GRID2: variants seen among roughly 807,000 people sequenced by gnomAD.
GRID2 encodes glutamate ionotropic receptor delta type subunit 2.
A neutral mutation model predicts 114.8 loss-of-function variants in GRID2; 33 were observed. The ratio of observed to expected loss-of-function variants is 0.29; its 90% confidence interval spans 0.22 to 0.38. The LOEUF is 0.38. Ranked by LOEUF, GRID2 falls within the 10% of genes least tolerant of loss-of-function variation. GRID2 has a pLI of 1.00. For synonymous variants in GRID2, 505 were observed against 449.9 expected (o/e 1.12, Z -1.55); for missense variants, 1,184 against 1,257.7 (o/e 0.94, Z 0.89).
chr4:93,332,309 A>T (rs1189069674), intron 8 of GRID2, among the ~76,000 whole-genome samples: 1 of 150,858 alleles, frequency 6.6e-6, no homozygotes, highest in Admixed American at 6.6e-5. Context: ...TGAGAGAGAG[A>T]GAGAGAGAGA....
chr4:93,732,958 A>G (rs550715593), intron 14 of GRID2, among the ~76,000 whole-genome samples: 1 of 152,090 alleles, frequency 6.6e-6, no homozygotes. Flanking sequence ...AAATAATAAA[A>G]GAGAAAGATT....
chr4:93,521,264 AG>A (rs1305535916), intron 13 of GRID2, among the ~76,000 whole-genome samples: 1 of 152,182 alleles, frequency 6.6e-6, no homozygotes, highest in African/African-American at 2.4e-5. Context: ...CTCATTACGC[AG>A]GCAAAGTTTA....
intron 1 of GRID2, among the ~76,000 whole-genome samples, chr4:92,326,411 A>G (rs1316089940): frequency 1.3e-5 from 2 of 151,924 alleles, no homozygotes; most frequent in African/African-American, 2.4e-5. Flanking sequence ...GGATTACTGA[A>G]CTAGTTTGCC....
intron 1 of GRID2, among the ~76,000 whole-genome samples, chr4:92,355,417 A>G (rs1340491239): frequency 6.6e-6 from 1 of 151,866 alleles, no homozygotes; most frequent in African/African-American, 2.4e-5. Flanking sequence ...CATTTAGACT[A>G]TAGATTTTTA....
intron 8 of GRID2, among the ~76,000 whole-genome samples, chr4:93,295,817 A>G (rs1399416709): frequency 6.6e-6 from 1 of 152,194 alleles, no homozygotes; most frequent in Non-Finnish European, 1.5e-5. Flanking sequence ...CTGGGACTAT[A>G]TCCTAGTTGA....
chr4:93,711,774 C>G (rs75402009), intron 14 of GRID2, among the ~76,000 whole-genome samples: 6,421 of 152,250 alleles, frequency 0.042, 222 homozygotes, highest in African/African-American at 0.085. Flanking sequence ...GGGGCATGGG[C>G]GGGTGGTGGT....
intron 10 of GRID2, among the ~76,000 whole-genome samples, chr4:93,437,974 CGA>C (rs1560618948): frequency 6.6e-6 from 1 of 151,926 alleles, no homozygotes; most frequent in East Asian, 1.9e-4. Flanking sequence ...GAAGAGAGAA[CGA>C]GAGAGATGGA....
chr4:93,307,522 C>A (rs1298987459), intron 8 of GRID2, among the ~76,000 whole-genome samples: 1 of 151,752 alleles, frequency 6.6e-6, no homozygotes, highest in African/African-American at 2.4e-5. Flanking sequence ...TGACTTTTAC[C>A]TTTCATTGTC....
intron 1 of GRID2, among the ~76,000 whole-genome samples, chr4:92,399,446 G>A (rs12710870): frequency 0.33 from 49,510 of 152,022 alleles, 9,186 homozygotes; most frequent in East Asian, 0.71. Flanking sequence ...TCAACTTGAA[G>A]TCATATCGAA....
At chr4:93,137,184 T>C (rs1735340015) in intron 4 of GRID2, among the ~76,000 whole-genome samples, 1 of 152,206 alleles carries the variant, frequency 6.6e-6, no homozygotes, top group Admixed American at 6.5e-5. Flanking sequence ...CAAATTTCAG[T>C]AGGAAATCAA....
chr4:93,300,273 T>C (rs571985273), intron 8 of GRID2, among the ~76,000 whole-genome samples: 1 of 152,176 alleles, frequency 6.6e-6, no homozygotes, highest in East Asian at 1.9e-4. Flanking sequence ...ACATATATAT[T>C]TGAAATCTTT....
intron 8 of GRID2, among the ~76,000 whole-genome samples, chr4:93,309,905 A>G (rs562756766): frequency 1.3e-4 from 20 of 152,252 alleles, no homozygotes; most frequent in South Asian, 6.2e-4. Context: ...GTGTAATGAT[A>G]ATGATAAAAT....
At chr4:93,663,813 T>C (rs1335913468) in intron 14 of GRID2, among the ~76,000 whole-genome samples, 1 of 152,196 alleles carries the variant, frequency 6.6e-6, no homozygotes, top group Non-Finnish European at 1.5e-5. Flanking sequence ...ACTTATCATA[T>C]AAAAAGTAGT....
chr4:93,235,181 C>G (rs548504077), intron 7 of GRID2, among the ~76,000 whole-genome samples: 1 of 152,018 alleles, frequency 6.6e-6, no homozygotes, highest in Non-Finnish European at 1.5e-5. Context: ...TCTTTGCTCT[C>G]TATATTTGAT....
At chr4:93,082,874 T>C (rs1053630160) in intron 2 of GRID2, among the ~76,000 whole-genome samples, 3 of 152,244 alleles carry the variant, frequency 2.0e-5, no homozygotes, top group African/African-American at 7.2e-5. Context: ...CAAGATTTTA[T>C]GCTAAAGCAA....
At chr4:93,236,894 A>T (rs1746863479) in intron 7 of GRID2, among the ~76,000 whole-genome samples, 1 of 152,136 alleles carries the variant, frequency 6.6e-6, no homozygotes, top group Non-Finnish European at 1.5e-5. Context: ...AGAACTAAAA[A>T]TCCTTCAAAA....
intron 14 of GRID2, among the ~76,000 whole-genome samples, chr4:93,753,907 C>A (rs1732536716): frequency 6.6e-6 from 1 of 152,134 alleles, no homozygotes. Context: ...TTTATACAGT[C>A]ATGGATCACT....
At chr4:92,860,956 C>T (rs1180754498) in intron 2 of GRID2, among the ~76,000 whole-genome samples, 1 of 152,024 alleles carries the variant, frequency 6.6e-6, no homozygotes, top group African/African-American at 2.4e-5. Flanking sequence ...TGCATAAAGA[C>T]ACTTAATGAG....
At chr4:93,719,034 A>ATATT (rs977223707) in intron 14 of GRID2, among the ~76,000 whole-genome samples, 1 of 151,870 alleles carries the variant, frequency 6.6e-6, no homozygotes, top group Admixed American at 6.6e-5. Flanking sequence ...TTGGATGATA[A>ATATT]TATTTATATA....
Sources: gnomAD v4.1 joint callset for allele counts (sites outside exome capture counted in the v4.1 genomes callset) on GRCh38, gnomAD v4.1.1 for gene constraint, MANE v1.5 for transcripts, NCBI Gene and HGNC (gene_info 2026-07-23, HGNC 2026-07-21) for gene names.